MYLK4: variants seen among roughly 807,000 people sequenced by gnomAD.
MYLK4 encodes the protein myosin light chain kinase family member 4.
Under a neutral mutation model 48.1 loss-of-function variants are expected in MYLK4, and 46 were observed. The ratio of observed to expected loss-of-function variants is 0.96; its 90% confidence interval spans 0.75 to 1.22. The LOEUF (loss-of-function observed/expected upper bound fraction) is 1.22, where lower values mean the gene tolerates loss of function less well. Among genes scored for constraint, MYLK4 ranks in the 50% most tolerant of loss-of-function variants. The pLI, the probability that MYLK4 is intolerant of heterozygous loss-of-function variation, is 0.00. For missense variants in MYLK4, 451 were observed against 486.1 expected (o/e 0.93, Z 0.68); for synonymous variants, 170 against 180.8 (o/e 0.94, Z 0.48).
upstream of MYLK4, among the ~76,000 whole-genome samples, chr6:2,755,418 T>A (rs1764406142): frequency 6.6e-6 from 1 of 152,236 alleles, no homozygotes; most frequent in Non-Finnish European, 1.5e-5. Context: ...TTGGTGTATG[T>A]TTCTTGAGAA....
chr6:2,763,295 C>G, the MYLK4 span, among the ~76,000 whole-genome samples: 1 of 152,250 alleles, frequency 6.6e-6, no homozygotes, highest in East Asian at 1.9e-4. Context: ...TGAACTGGGG[C>G]TGCAGTATAG....
rs538955514 is a variant in MYLK4 at position 2,667,211 on chromosome 6, A to G, written c.*714T>C. ...TTGTGGGGATGAACTGTCAGTCAGA[A>G]GGGTGCAGGGAGTATAGATGTGAAA... On this transcript the variant is annotated 3_prime_UTR_variant, in exon 13 of 13. Transcript: ENST00000274643. 1.3e-5 allele frequency: 2 copies of G among 152,330 alleles called. No homozygotes were observed. The highest frequency in any genetic ancestry group is 2.4e-5 in the African/African-American group (1 of 41,574). 9.4% of individuals were successfully genotyped at this position (152,330 alleles called of 1,614,324 possible). A position where few individuals can be genotyped will look rare whatever the true frequency, so the allele number is the denominator to read the frequency against.
At position 2,673,821 on chromosome 6, in the gene MYLK4, C is replaced by T. The variant is rs537091428; in HGVS notation, c.1119+1226G>A. Reference sequence around the variant, plus strand: ...CTCAGGGGAGGCATGTCCCAGGCCACGGTCACCATGGGAATGGAGAGAAAC... The same window carrying T: ...CTCAGGGGAGGCATGTCCCAGGCCATGGTCACCATGGGAATGGAGAGAAAC... On this transcript the variant is annotated intron_variant, in intron 11 of 12. Coordinates refer to ENST00000274643, the MANE Select transcript of MYLK4 (RefSeq NM_001012418.5). This position sits in a 1 kb window ranked among gnomAD's most constrained non-coding sequence, Gnocchi z 4.2. Among the ~76,000 whole-genome samples the T allele has an allele frequency of 1.3e-3, 195 of 152,286 alleles. No homozygotes were observed. Among genetic ancestry groups the T allele is most frequent in the African/African-American group, 4.2e-3 (176 of 41,548 alleles).
chr6:2,726,165 A>G (rs1442838041), intron 2 of MYLK4, among the ~76,000 whole-genome samples: 1 of 152,230 alleles, frequency 6.6e-6, no homozygotes, highest in African/African-American at 2.4e-5. Flanking sequence ...AATAATCTAC[A>G]TATCCAGTGT....
chr6:2,739,800 T>A (rs991183649), intron 2 of MYLK4, among the ~76,000 whole-genome samples: 5 of 152,252 alleles, frequency 3.3e-5, no homozygotes, highest in Non-Finnish European at 7.3e-5. Context: ...AATGTACTGA[T>A]AGCAGTACTA....
the MYLK4 span, chr6:2,765,541 GC>G: frequency 7.4e-7 from 1 of 1,349,262 alleles, no homozygotes; most frequent in Non-Finnish European, 9.4e-7. Context: ...GCGGCGCGGG[GC>G]CTAGCGGAGG....
intron 2 of MYLK4, among the ~76,000 whole-genome samples, chr6:2,733,579 C>T (rs1041790678): frequency 6.6e-6 from 1 of 152,098 alleles, no homozygotes; most frequent in Admixed American, 6.5e-5. Context: ...GAGGGAGGGG[C>T]AATGCGTAGT....
In MYLK4 at chr6:2,685,449, G is replaced by A. The variant is rs374660115; in HGVS notation, c.435+34C>T. On this transcript the variant is annotated intron_variant, in intron 5 of 12. Transcript: ENST00000274643. The surrounding 1 kb of genome is among the most constrained non-coding windows in gnomAD (Gnocchi z 4.5). ...TGCATTAGTGTGGTCAAGATGGGGC[G>A]GGGAGGGAGGGGACCACCTCCCACA... 16 of 1,601,630 alleles carry A rather than the reference G, an allele frequency of 1.0e-5. No homozygotes were observed. The African/African-American group carries it at 1.2e-4, about 12-fold the overall frequency.
At chr6:2,763,013 G>C in the MYLK4 span, among the ~76,000 whole-genome samples, 2 of 152,260 alleles carry the variant, frequency 1.3e-5, no homozygotes, top group East Asian at 3.9e-4. Flanking sequence ...AAAGCCAAGC[G>C]GGTCTCCATC....
Position 2,673,939 on chromosome 6 carries a change from AAAG to A in MYLK4, c.1119+1105_1119+1107del, listed in dbSNP as rs1760992249. Reference sequence around the variant, plus strand: ...GGGGCTCGAGGGAGAGGAAGGAAGCAAAGAAGATGTACGGGGGCTGGCTGGGGC... The same window carrying A: ...GGGGCTCGAGGGAGAGGAAGGAAGCAAAGATGTACGGGGGCTGGCTGGGGC... On this transcript the variant is annotated intron_variant, in intron 11 of 12. Coordinates refer to ENST00000274643, the MANE Select transcript of MYLK4 (RefSeq NM_001012418.5). The surrounding 1 kb of genome is among the most constrained non-coding windows in gnomAD (Gnocchi z 4.2). Among the ~76,000 whole-genome samples, 1 of 152,228 alleles carries A rather than the reference AAAG, an allele frequency of 6.6e-6. No homozygotes were observed. The highest frequency in any genetic ancestry group is 1.5e-5 in the Non-Finnish European group (1 of 68,038).
intron 2 of MYLK4, among the ~76,000 whole-genome samples, chr6:2,724,530 T>A (rs962161940): frequency 5.3e-5 from 8 of 152,180 alleles, no homozygotes; most frequent in African/African-American, 1.9e-4. Flanking sequence ...AGGGAAATCA[T>A]GAAGGGAAGG....
chr6:2,705,949 T>C (rs1762471672), intron 2 of MYLK4, among the ~76,000 whole-genome samples: 1 of 151,506 alleles, frequency 6.6e-6, no homozygotes, highest in South Asian at 2.1e-4. Context: ...AAGAGCATTG[T>C]AGCCCAATCA....
rs1173022568 is a variant in MYLK4, at chr6:2,672,644, C to A, written c.1120-1296G>T. Among the ~76,000 whole-genome samples the A allele has an allele frequency of 6.6e-6, 1 of 152,128 alleles. No individual in the cohort carries two copies. The highest frequency in any genetic ancestry group is 2.4e-5 in the African/African-American group (1 of 41,416). ...GAACCAATATTAATCTAAAAATAAG[C>A]CTTCTGGAAAACTTTCGTCTCAATA... On this transcript the variant is annotated intron_variant, in intron 11 of 12. Transcript: ENST00000274643. The surrounding 1 kb of genome is among the most constrained non-coding windows in gnomAD (Gnocchi z 4.3).
chr6:2,744,192 G>A (rs968083135), intron 2 of MYLK4: 19 of 395,918 alleles, frequency 4.8e-5, no homozygotes, highest in African/African-American at 8.2e-5. Flanking sequence ...TGCACTGGAC[G>A]TCTCCAGTTA....
the MYLK4 span, among the ~76,000 whole-genome samples, chr6:2,763,619 G>A: frequency 1.3e-5 from 2 of 152,220 alleles, no homozygotes; most frequent in East Asian, 1.9e-4. Flanking sequence ...CAAGCACCGC[G>A]CGCAGCCCCG....
At chr6:2,758,781 C>T in the MYLK4 span, among the ~76,000 whole-genome samples, 1 of 152,002 alleles carries the variant, frequency 6.6e-6, no homozygotes, top group African/African-American at 2.4e-5. Flanking sequence ...GTCTGTAACC[C>T]ATCATATTGT....
At position 2,679,308 on chromosome 6, in the gene MYLK4, A is replaced by C. The variant is rs1405830641; in HGVS notation, c.859T>G (p.Trp287Gly). ...YDFVSFPTDM[W>G]SVGVIAYMLL... ...ATATAGGCGATGACCCCCACACTCC[A>C]CATGTCAGTGGGAAATGAAACAAAA... is the stretch of plus-strand genomic sequence containing the variant. Residue 287 changes from tryptophan (W) to glycine (G), a missense_variant, in exon 9 of 13, where the codon TGG becomes GGG. Physicochemically the swap from Trp to Gly is radical, Grantham distance 184 (BLOSUM62 -2). Transcript: ENST00000274643. The C allele has an allele frequency of 1.2e-6, 2 of 1,614,198 alleles. No individual in the cohort carries two copies. Among genetic ancestry groups the C allele is most frequent in the Non-Finnish European group, 1.7e-6 (2 of 1,180,028 alleles).
chr6:2,734,188 C>T (rs938721676), intron 2 of MYLK4, among the ~76,000 whole-genome samples: 1 of 152,230 alleles, frequency 6.6e-6, no homozygotes, highest in Non-Finnish European at 1.5e-5. Context: ...CCAGAAGCAA[C>T]TCTGTTACAG....
chr6:2,735,403 C>T (rs1468748604), intron 2 of MYLK4, among the ~76,000 whole-genome samples: 1 of 152,136 alleles, frequency 6.6e-6, no homozygotes, highest in Non-Finnish European at 1.5e-5. Context: ...TATACAAACG[C>T]TATATTATTC....
Sources: allele counts gnomAD v4.1 joint callset (sites outside exome capture counted in the v4.1 genomes callset), GRCh38; gene constraint gnomAD v4.1.1; non-coding constraint Gnocchi (gnomAD v3.1); transcripts MANE v1.5; gene names NCBI Gene and HGNC (gene_info 2026-07-23, HGNC 2026-07-21).